The following DEPDC5 variants were observed in gnomAD, a reference collection of about 807,000 sequenced individuals.
DEPDC5 encodes the protein GATOR1 complex protein DEPDC5.
DEPDC5 carries 73 observed loss-of-function variants against 217.3 expected under a neutral mutation model. That is an observed-to-expected ratio of 0.34 (90% confidence interval 0.28 to 0.41). The LOEUF (loss-of-function observed/expected upper bound fraction) is 0.41, where lower values mean the gene tolerates loss of function less well. Ranked by LOEUF, DEPDC5 falls within the 10% of genes least tolerant of loss-of-function variation. The pLI, the probability that DEPDC5 is intolerant of heterozygous loss-of-function variation, is 1.00. For synonymous variants in DEPDC5, 733 were observed against 756.7 expected, an observed-to-expected ratio of 0.97 and a Z score of 0.51; for missense variants, 1,675 against 2,070.1, an observed-to-expected ratio of 0.81 and a Z score of 3.70.
intron 24 of DEPDC5, among the ~76,000 whole-genome samples, chr22:31,826,919 G>C (rs1446140845): frequency 2.0e-5 from 3 of 146,778 alleles, no homozygotes; most frequent in Non-Finnish European, 4.5e-5. Flanking sequence ...TTTTTTAAGA[G>C]ACAGGATCTT....
At chr22:31,865,720 C>T (rs923716033) in intron 33 of DEPDC5, among the ~76,000 whole-genome samples, 3 of 152,096 alleles carry the variant, frequency 2.0e-5, no homozygotes, top group Non-Finnish European at 4.4e-5. Flanking sequence ...CTTTGCTCAC[C>T]GCTAGATGGC....
chr22:31,879,884 T>TGA, intron 38 of DEPDC5, 132 bp downstream of exon 38: 1 of 887,024 alleles, frequency 1.1e-6, no homozygotes, highest in Non-Finnish European at 1.7e-6. Context: ...GGCCACTGTG[T>TGA]CTGTCGGCAC....
intron 24 of DEPDC5, among the ~76,000 whole-genome samples, chr22:31,826,304 G>A (rs1173044491): frequency 6.6e-6 from 1 of 152,136 alleles, no homozygotes; most frequent in African/African-American, 2.4e-5. Flanking sequence ...ACCACACCTG[G>A]CTGGAGATTG....
chr22:31,905,034 C>T (rs985407749), intron 41 of DEPDC5, among the ~76,000 whole-genome samples: 4 of 152,066 alleles, frequency 2.6e-5, no homozygotes, highest in East Asian at 2.0e-4. Flanking sequence ...TCTGTTACCA[C>T]GTCCTTTACA....
At chr22:31,760,363 C>T (rs1380154999) in intron 3 of DEPDC5, among the ~76,000 whole-genome samples, 5 of 151,452 alleles carry the variant, frequency 3.3e-5, no homozygotes, top group East Asian at 1.9e-4. Context: ...CCACCACACC[C>T]GGCCTAATTT....
intron 37 of DEPDC5, among the ~76,000 whole-genome samples, chr22:31,877,656 A>G (rs2093038202): frequency 7.0e-6 from 1 of 143,014 alleles, no homozygotes; most frequent in Non-Finnish European, 1.5e-5. Flanking sequence ...AGGCTGAGGC[A>G]GGAGAATTGC....
In DEPDC5 at chr22:31,810,575, A is replaced by G; in HGVS notation, c.1379A>G (p.Asp460Gly). The change falls in exon 20 of 43, where the codon GAC becomes GGC. Residue 460 changes from aspartate to glycine, a missense_variant. Physicochemically the swap from Asp to Gly is moderately conservative, Grantham distance 94 (BLOSUM62 -1). This residue lies in a region of DEPDC5 where 628 missense variants were observed against 762.1 expected (regional missense o/e 0.82). Transcript: ENST00000651528. ...GCCCTTCCCATCCAAGTAGATTATG[A>G]CGCCTATGACGCTCAAGTGTTCAGG... ...ENALPIQVDY[D>G]AYDAQVFRLP... The G allele has an allele frequency of 6.2e-7, 1 of 1,614,166 alleles. No homozygotes were observed.
chr22:31,814,937 CAAGGT>C, intron 20 of DEPDC5, 50 bp from the exon 21 acceptor site: 1 of 1,598,546 alleles, frequency 6.3e-7, no homozygotes, highest in Non-Finnish European at 8.6e-7. Context: ...AGTTTTAACT[CAAGGT>C]AGGACAGCAT....
chr22:31,902,706 C>T (rs576020992), intron 41 of DEPDC5, among the ~76,000 whole-genome samples: 4 of 152,168 alleles, frequency 2.6e-5, no homozygotes, highest in Admixed American at 2.0e-4. Context: ...CTCCCACCTC[C>T]ACCAGCATCT....
intron 36 of DEPDC5, chr22:31,875,111 T>C (rs2092953764): frequency 6.1e-6 from 1 of 162,890 alleles, no homozygotes; most frequent in Non-Finnish European, 1.5e-5. Flanking sequence ...TCAGTACTGT[T>C]TCCTTACCAG....
chr22:31,804,346 C>T, intron 16 of DEPDC5, 123 bp downstream of exon 16: 1 of 915,636 alleles, frequency 1.1e-6, no homozygotes, highest in East Asian at 2.5e-5. Context: ...GTGGGAAGAT[C>T]CCTTAAGCCT....
At chr22:31,848,637 G>A (rs539712373) in intron 31 of DEPDC5, among the ~76,000 whole-genome samples, 13 of 152,200 alleles carry the variant, frequency 8.5e-5, no homozygotes, top group Non-Finnish European at 1.3e-4. Context: ...CTCCAGCCCT[G>A]TAGTGGGAGG....
At chr22:31,859,114 G>A (rs910128958) in intron 32 of DEPDC5, 1 of 101,270 alleles carries the variant, frequency 9.9e-6, no homozygotes, top group African/African-American at 3.7e-5. Flanking sequence ...TTTTTGAGAC[G>A]GAGTCTCACT....
Position 31,822,706 on chromosome 22 carries a change from C to G in DEPDC5, c.2020C>G (p.Arg674Gly). 1 of 1,614,060 alleles carries G rather than the reference C, an allele frequency of 6.2e-7. No homozygotes were observed. Among genetic ancestry groups the G allele is most frequent in the Non-Finnish European group, 8.5e-7 (1 of 1,179,960 alleles). The change falls in exon 24 of 43, where the codon CGC becomes GGC. Residue 674 changes from arginine (R) to glycine (G), a missense_variant. Around this residue, in one of 11 missense-constraint regions of DEPDC5, gnomAD observed 136 missense variants for 132.2 expected, o/e 1.03. Coordinates refer to ENST00000651528, the MANE Select transcript of DEPDC5 (RefSeq NM_001242896.3). ...HEAAGRHSNS[R>G]QPGDGMSFLN... ...TGTTCTCTGCAGGCACAGCAATTCCCGCCAGCCTGGTGACGGCATGTCCTT... is the reference window on the plus strand; with the variant it reads ...TGTTCTCTGCAGGCACAGCAATTCCGGCCAGCCTGGTGACGGCATGTCCTT...
intron 7 of DEPDC5, among the ~76,000 whole-genome samples, chr22:31,775,046 C>T (rs1243258420): frequency 2.0e-5 from 3 of 152,164 alleles, no homozygotes; most frequent in Non-Finnish European, 4.4e-5. Flanking sequence ...AAGCCATGGG[C>T]CTGGTCCAGC....
chr22:31,831,935 G>A (rs550039800), intron 24 of DEPDC5, among the ~76,000 whole-genome samples: 4 of 152,176 alleles, frequency 2.6e-5, no homozygotes, highest in South Asian at 2.1e-4. Context: ...TCCTCAGTCC[G>A]TCCATGTGTT....
At chr22:31,835,715 T>G in intron 25 of DEPDC5, among the ~76,000 whole-genome samples, 1 of 152,154 alleles carries the variant, frequency 6.6e-6, no homozygotes, top group Non-Finnish European at 1.5e-5. Context: ...TATAGAAAAA[T>G]GGAGATGATT....
chr22:31,882,951 A>G (rs1312195950), intron 38 of DEPDC5, among the ~76,000 whole-genome samples: 1 of 152,090 alleles, frequency 6.6e-6, no homozygotes, highest in Non-Finnish European at 1.5e-5. Context: ...AAAGTGTTCA[A>G]CGAAAGGAAT....
At position 31,890,998 on chromosome 22, in the gene DEPDC5, G is replaced by A. The variant is rs150762242; in HGVS notation, c.4034-2584G>A. On this transcript the variant is annotated intron_variant, in intron 38 of 42. Coordinates refer to ENST00000651528, the MANE Select transcript of DEPDC5 (RefSeq NM_001242896.3). The stretch of plus-strand genomic sequence containing the variant: ...CTCCCAAAGTGCTGGGATTACAGGC[G>A]TGAGCCACCATGCCCGGCTAAAAAA... The A allele has an allele frequency of 5.7e-3, 1,179 of 207,590 alleles. 14 individuals are homozygous for A. The highest frequency in any genetic ancestry group is 0.025 in the African/African-American group (1,048 of 42,064). 12.9% of individuals were successfully genotyped at this position (207,590 alleles called of 1,614,324 possible).
Sources: gnomAD v4.1 joint callset for allele counts (sites outside exome capture counted in the v4.1 genomes callset) on GRCh38, gnomAD v4.1.1 for gene constraint, gnomAD v4.1.1 regional missense constraint, MANE v1.5 for transcripts, NCBI Gene and HGNC (gene_info 2026-07-23, HGNC 2026-07-21) for gene names.